Variants in CDH12 observed in about 807,000 individuals in gnomAD.
The protein encoded by CDH12 is cadherin-12.
In CDH12, 41 loss-of-function variants were observed where a neutral mutation model predicts 74.1. The observed-to-expected ratio is 0.55, with a 90% CI of 0.43 to 0.72. The LOEUF (loss-of-function observed/expected upper bound fraction) is 0.72, where lower values mean the gene tolerates loss of function less well. Ranked by LOEUF, CDH12 falls within the 30% of genes least tolerant of loss-of-function variation. The pLI is 0.00. For synonymous variants in CDH12, 399 were observed against 355.0 expected (o/e 1.12, Z -1.39); for missense variants, 945 against 977.2 (o/e 0.97, Z 0.44).
chr5:21,785,827 A>G (rs1176634478), intron 10 of CDH12, among the ~76,000 whole-genome samples: 3 of 152,192 alleles, frequency 2.0e-5, no homozygotes, highest in East Asian at 1.9e-4. Context: ...CAAGTTATCA[A>G]AAAGATCTAG....
chr5:21,973,204 C>A (rs1756928736), intron 6 of CDH12, among the ~76,000 whole-genome samples: 1 of 151,926 alleles, frequency 6.6e-6, no homozygotes, highest in South Asian at 2.1e-4. Flanking sequence ...AAGACCCAGT[C>A]TCAAAATAAA....
rs1755410837 is a variant in CDH12, at chr5:21,943,073, T to C, written c.526+32018A>G. Among the ~76,000 whole-genome samples the C allele has an allele frequency of 2.0e-5, 3 of 152,112 alleles. No homozygotes were observed. In the South Asian group the frequency reaches 6.2e-4, roughly 32 times the overall value. On this transcript the variant is annotated intron_variant, in intron 6 of 14. Transcript: ENST00000382254. ...TTACAAGTGTTTGACAGTGCCTCCT[T>C]CACATGCTCTCTCTCCCCTGCTGCC...
chr5:22,612,233 C>T (rs963870066), intron 1 of CDH12, among the ~76,000 whole-genome samples: 1 of 152,018 alleles, frequency 6.6e-6, no homozygotes, highest in Admixed American at 6.6e-5. Context: ...CATTAGTTTT[C>T]TTCAAAAAAT....
At chr5:22,793,066 C>A (rs892235305) in intron 1 of CDH12, among the ~76,000 whole-genome samples, 1 of 152,156 alleles carries the variant, frequency 6.6e-6, no homozygotes, top group South Asian at 2.1e-4. Flanking sequence ...ATCACTTCTT[C>A]AATCTAGTTA....
At chr5:22,083,751 G>A (rs954623932) in intron 4 of CDH12, among the ~76,000 whole-genome samples, 12 of 152,116 alleles carry the variant, frequency 7.9e-5, no homozygotes, top group Non-Finnish European at 1.0e-4. Context: ...TGACTACAGA[G>A]CTCATACTCT....
intron 6 of CDH12, among the ~76,000 whole-genome samples, chr5:21,912,870 T>C (rs1272505946): frequency 6.6e-6 from 1 of 152,046 alleles, no homozygotes; most frequent in Non-Finnish European, 1.5e-5. Context: ...TGAGACAGAG[T>C]CTCACTCTGT....
chr5:22,047,321 G>GC (rs1214941435), intron 5 of CDH12, among the ~76,000 whole-genome samples: 1 of 151,554 alleles, frequency 6.6e-6, no homozygotes, highest in African/African-American at 2.4e-5. Context: ...TTATTTCTTG[G>GC]CTGCAGGCTT....
intron 5 of CDH12, among the ~76,000 whole-genome samples, chr5:21,997,738 C>G: frequency 6.6e-6 from 1 of 152,082 alleles, no homozygotes; most frequent in Non-Finnish European, 1.5e-5. Context: ...ATGAAAATGT[C>G]AAATAATATG....
At position 22,729,575 on chromosome 5, in the gene CDH12, T is replaced by C. The variant is rs190328604; in HGVS notation, c.-523+123483A>G. 7.2e-5 allele frequency among the ~76,000 whole-genome samples: 11 copies of C among 152,008 alleles called. No homozygotes were observed. In the East Asian group the frequency reaches 1.6e-3, roughly 21 times the overall value. On this transcript the variant is annotated intron_variant, in intron 1 of 14. Coordinates refer to ENST00000382254, the MANE Select transcript of CDH12 (RefSeq NM_004061.5). Reference sequence around the variant, plus strand: ...AGAATCATCTTGGGGACTGTACTTCTACCACATTCACCAGTGCATCTAGGA... The same window carrying C: ...AGAATCATCTTGGGGACTGTACTTCCACCACATTCACCAGTGCATCTAGGA...
intron 8 of CDH12, among the ~76,000 whole-genome samples, chr5:21,838,621 G>A (rs1036955202): frequency 4.6e-5 from 7 of 151,982 alleles, no homozygotes; most frequent in African/African-American, 7.2e-5. Flanking sequence ...TTTTTTGCAA[G>A]TACATCTCAG....
At chr5:21,942,787 C>T (rs1755397247) in intron 6 of CDH12, among the ~76,000 whole-genome samples, 1 of 152,030 alleles carries the variant, frequency 6.6e-6, no homozygotes, top group African/African-American at 2.4e-5. Flanking sequence ...AAAAATATAA[C>T]AGTAGTGGCA....
chr5:22,232,048 A>G (rs1245771781), intron 3 of CDH12, among the ~76,000 whole-genome samples: 3 of 151,816 alleles, frequency 2.0e-5, no homozygotes, highest in Admixed American at 6.6e-5. Context: ...AATATAATCT[A>G]TAAGCATTAG....
intron 3 of CDH12, among the ~76,000 whole-genome samples, chr5:22,340,244 G>A (rs376011517): frequency 9.9e-5 from 15 of 152,200 alleles, no homozygotes; most frequent in East Asian, 7.7e-4. Flanking sequence ...AAAAAATTCT[G>A]GGCTGGGTGC....
At chr5:22,778,579 G>A (rs1747225404) in intron 1 of CDH12, among the ~76,000 whole-genome samples, 1 of 151,986 alleles carries the variant, frequency 6.6e-6, no homozygotes, top group African/African-American at 2.4e-5. Context: ...TAATGTGTTT[G>A]GCATCAATAA....
intron 3 of CDH12, among the ~76,000 whole-genome samples, chr5:22,262,542 T>C (rs1436580433): frequency 6.6e-6 from 1 of 151,456 alleles, no homozygotes; most frequent in African/African-American, 2.4e-5. Context: ...TGGTTCCAAG[T>C]CTTTGCTATT....
rs565753700 is a variant in CDH12, at chr5:22,187,939, T to C, written c.-187+24559A>G. Among the ~76,000 whole-genome samples the C allele has an allele frequency of 1.5e-3, 229 of 152,212 alleles. 3 individuals carry two copies. Among genetic ancestry groups the C allele is most frequent in the African/African-American group, 5.0e-3 (209 of 41,542 alleles). On this transcript the variant is annotated intron_variant, in intron 4 of 14. Coordinates refer to ENST00000382254, the MANE Select transcript of CDH12 (RefSeq NM_004061.5). The stretch of plus-strand genomic sequence containing the variant: ...AATGGAAACTAGAAACATTAAACCA[T>C]GCGTAATTAATGGTTCTTTGTCTTG...
intron 10 of CDH12, among the ~76,000 whole-genome samples, chr5:21,799,061 ACAACT>A (rs1275164036): frequency 2.6e-5 from 4 of 152,168 alleles, no homozygotes; most frequent in African/African-American, 9.7e-5. Context: ...CTCCCAAATA[ACAACT>A]CAACAGTCAT....
intron 1 of CDH12, among the ~76,000 whole-genome samples, chr5:22,534,139 T>C (rs1049222725): frequency 1.3e-5 from 2 of 152,168 alleles, no homozygotes; most frequent in Non-Finnish European, 2.9e-5. Flanking sequence ...CTTTAATCAA[T>C]AGATTGTAGC....
intron 6 of CDH12, among the ~76,000 whole-genome samples, chr5:21,940,719 C>T (rs1755290579): frequency 6.6e-6 from 1 of 152,104 alleles, no homozygotes; most frequent in Non-Finnish European, 1.5e-5. Flanking sequence ...TAGTATATAT[C>T]TGATGATATA....
Sources: gnomAD v4.1 joint callset for allele counts (sites outside exome capture counted in the v4.1 genomes callset) on GRCh38, gnomAD v4.1.1 for gene constraint, MANE v1.5 for transcripts, NCBI Gene and HGNC (gene_info 2026-07-23, HGNC 2026-07-21) for gene names.